Variants in MORN1 observed in about 807,000 individuals in gnomAD.
The protein encoded by MORN1 is MORN repeat-containing protein 1.
In MORN1, 67 loss-of-function variants were observed where a neutral mutation model predicts 61.9. The observed-to-expected ratio is 1.08, with a 90% CI of 0.89 to 1.33. The LOEUF is 1.33. Ranked by LOEUF, MORN1 falls within the 40% of genes most tolerant of loss-of-function variation. The probability of loss-of-function intolerance (pLI) is 0.00; values close to 1 mark genes in which losing one functional copy is unlikely to be tolerated. For synonymous variants in MORN1, 301 were observed against 292.0 expected (o/e 1.03, Z -0.31); for missense variants, 752 against 691.2 (o/e 1.09, Z -0.99).
rs79686678 is a variant in MORN1 at position 2,323,185 on chromosome 1, C to T, written c.1297+912G>A. ...TGGTGTGAGGGCTGCTGTGGGACCACGGGGGACACCGCGTGGCACTCCAGC... is the reference window on the plus strand; with the variant it reads ...TGGTGTGAGGGCTGCTGTGGGACCATGGGGGACACCGCGTGGCACTCCAGC... On this transcript the variant is annotated intron_variant, in intron 13 of 13. Coordinates refer to ENST00000378531, the MANE Select transcript of MORN1 (RefSeq NM_024848.3). 1.4e-3 allele frequency: 1,383 copies of T among 985,378 alleles called. 12 individuals are homozygous for T. In the African/African-American group the frequency reaches 0.016, roughly 12 times the overall value. 61.0% of individuals were successfully genotyped at this position (985,378 alleles called of 1,614,324 possible). A position where few individuals can be genotyped will look rare whatever the true frequency, so the allele number is the denominator to read the frequency against.
Position 2,377,500 on chromosome 1 carries a change from G to C in MORN1, c.538-2943C>G, listed in dbSNP as rs536855512. The C allele has an allele frequency of 1.0e-4, 16 of 152,502 alleles. No homozygotes were observed. In the East Asian group the frequency reaches 2.9e-3, roughly 28 times the overall value. 9.4% of individuals were successfully genotyped at this position (152,502 alleles called of 1,614,324 possible). A position where few individuals can be genotyped will look rare whatever the true frequency, so the allele number is the denominator to read the frequency against. On this transcript the variant is annotated intron_variant, in intron 6 of 13. Transcript: ENST00000378531. Reference sequence around the variant, plus strand: ...CCCTGATAGTCGACAAGCTCGGACGGCTCGGCTGGTGCAGGGACTGCTCTG... The same window carrying C: ...CCCTGATAGTCGACAAGCTCGGACGCCTCGGCTGGTGCAGGGACTGCTCTG...
chr1:2,355,631 T>G (rs1205693824), intron 10 of MORN1, among the ~76,000 whole-genome samples: 1 of 152,196 alleles, frequency 6.6e-6, no homozygotes, highest in African/African-American at 2.4e-5. Context: ...TTCAGCCATG[T>G]GAGTCACGGA....
chr1:2,390,044 G>C (rs767683313), intron 1 of MORN1, 48 bp from the exon 2 acceptor site: 2 of 1,536,240 alleles, frequency 1.3e-6, no homozygotes, highest in African/African-American at 2.7e-5. Flanking sequence ...ACAGAGATGA[G>C]GGATGCTCTC....
intron 10 of MORN1, among the ~76,000 whole-genome samples, chr1:2,343,065 C>T (rs182008624): frequency 3.3e-5 from 5 of 151,954 alleles, no homozygotes; most frequent in Middle Eastern, 3.2e-3. Context: ...ATAGAAAATG[C>T]GCTTGACCCT....
At chr1:2,353,497 G>A (rs1257810244) in intron 10 of MORN1, among the ~76,000 whole-genome samples, 1 of 152,238 alleles carries the variant, frequency 6.6e-6, no homozygotes, top group East Asian at 1.9e-4. Flanking sequence ...TGATGCTGGT[G>A]GGTCCAGGTA....
intron 12 of MORN1, among the ~76,000 whole-genome samples, chr1:2,328,611 G>A (rs2645063): frequency 0.24 from 36,350 of 152,164 alleles, 4,794 homozygotes; most frequent in East Asian, 0.5. Context: ...CTGCAGCCCC[G>A]GGAGCCCCTG....
intron 8 of MORN1, among the ~76,000 whole-genome samples, chr1:2,366,437 C>T (rs1386001183): frequency 6.6e-6 from 1 of 151,910 alleles, no homozygotes; most frequent in Non-Finnish European, 1.5e-5. Flanking sequence ...TGTAACTAAC[C>T]TGCACATTGT....
In MORN1 at chr1:2,372,424, C is replaced by A; in HGVS notation, c.745+57G>T. The A allele has an allele frequency of 3.6e-6, 5 of 1,370,286 alleles. No individual in the cohort carries two copies. Among genetic ancestry groups the A allele is most frequent in the South Asian group, 2.5e-5 (2 of 80,778 alleles). 84.9% of individuals were successfully genotyped at this position (1,370,286 alleles called of 1,614,324 possible). On this transcript the variant is annotated intron_variant, in intron 8 of 13. Transcript: ENST00000378531. The surrounding 1 kb of genome is among the most constrained non-coding windows in gnomAD (Gnocchi z 5.4). Reference sequence around the variant, plus strand: ...CGTCCGCATCTTCACTGCTTAAGAACCTGCTGCCTGTTTCTCTTTTGGAAA... The same window carrying A: ...CGTCCGCATCTTCACTGCTTAAGAAACTGCTGCCTGTTTCTCTTTTGGAAA...
chr1:2,344,953 A>G (rs1005953577), intron 10 of MORN1, among the ~76,000 whole-genome samples: 2 of 145,896 alleles, frequency 1.4e-5, no homozygotes, highest in Non-Finnish European at 3.0e-5. Context: ...GCATGCTCAC[A>G]CTCTGCGCTC....
At chr1:2,323,683 G>C (rs542888373) in intron 13 of MORN1, 1 of 985,050 alleles carries the variant, frequency 1.0e-6, no homozygotes, top group Non-Finnish European at 1.2e-6. Context: ...GGAGCCTTCC[G>C]CCCAGCCCAG....
At chr1:2,386,002 G>T in intron 4 of MORN1, 105 bp from the exon 5 acceptor site, 1 of 954,868 alleles carries the variant, frequency 1.0e-6, no homozygotes, top group Non-Finnish European at 1.7e-6. Flanking sequence ...AAAGTAGCAA[G>T]TCTAGGAGGC....
At chr1:2,390,435 T>C in intron 1 of MORN1, 4 of 985,362 alleles carry the variant, frequency 4.1e-6, no homozygotes, top group Non-Finnish European at 4.8e-6. Flanking sequence ...AGTGGCCTCC[T>C]ATCGCTGGGG....
At chr1:2,338,846 C>T (rs1323234631) in intron 10 of MORN1, among the ~76,000 whole-genome samples, 4 of 152,202 alleles carry the variant, frequency 2.6e-5, no homozygotes, top group African/African-American at 7.2e-5. Flanking sequence ...CTCACGACAT[C>T]CCTGCTCTCC....
intron 10 of MORN1, among the ~76,000 whole-genome samples, chr1:2,354,402 A>C (rs1641715289): frequency 6.6e-6 from 1 of 151,096 alleles, no homozygotes; most frequent in Admixed American, 6.6e-5. Context: ...CTGTCTCTAC[A>C]AAAAAATACA....
At chr1:2,383,979 C>G (rs1193701094) in intron 6 of MORN1, among the ~76,000 whole-genome samples, 3 of 152,230 alleles carry the variant, frequency 2.0e-5, no homozygotes, top group Non-Finnish European at 4.4e-5. Flanking sequence ...TGTCTCCGGG[C>G]CCCCTCCTGA....
At chr1:2,391,319 G>A (rs1642656286) in intron 1 of MORN1, 139 bp downstream of exon 1, 3 of 1,002,202 alleles carry the variant, frequency 3.0e-6, no homozygotes, top group African/African-American at 1.7e-5. Flanking sequence ...GGGGGACGCG[G>A]GGGCGGCCCT....
chr1:2,376,326 C>G (rs370421264), intron 6 of MORN1: 17 of 152,424 alleles, frequency 1.1e-4, no homozygotes, highest in African/African-American at 3.8e-4. Context: ...AGGCGCGAGT[C>G]AGCGCACAGC....
intron 6 of MORN1, among the ~76,000 whole-genome samples, chr1:2,380,846 G>A (rs1300851491): frequency 6.6e-6 from 1 of 152,200 alleles, no homozygotes; most frequent in African/African-American, 2.4e-5. Flanking sequence ...GTGAGCCACT[G>A]TGCCTGGTCG....
At chr1:2,336,585 G>C in intron 11 of MORN1, 37 bp from the exon 12 acceptor site, 1 of 1,609,824 alleles carries the variant, frequency 6.2e-7, no homozygotes, top group Non-Finnish European at 8.5e-7. Flanking sequence ...AGAAGGAAAG[G>C]CTCAGAAGGT....
Sources: gnomAD v4.1 joint callset for allele counts (sites outside exome capture counted in the v4.1 genomes callset) on GRCh38, gnomAD v4.1.1 for gene constraint, Gnocchi (gnomAD v3.1) non-coding constraint, MANE v1.5 for transcripts, NCBI Gene and HGNC (gene_info 2026-07-23, HGNC 2026-07-21) for gene names.